The following GABRG3 variants were observed in gnomAD, a reference collection of about 807,000 sequenced individuals.
The protein encoded by GABRG3 is gamma-aminobutyric acid type A receptor subunit gamma3.
In GABRG3, 25 loss-of-function variants were observed where a neutral mutation model predicts 48.8. The observed-to-expected ratio is 0.51, with a 90% CI of 0.37 to 0.72. GABRG3 has a LOEUF of 0.72. Ranked by LOEUF, GABRG3 falls within the 30% of genes least tolerant of loss-of-function variation. The pLI is 0.00. For missense variants in GABRG3, 394 were observed against 577.9 expected, an observed-to-expected ratio of 0.68 and a Z score of 3.26; for synonymous variants, 227 against 217.6, an observed-to-expected ratio of 1.04 and a Z score of -0.38.
chr15:27,157,942 T>C (rs538385644), intron 3 of GABRG3: 31 of 152,302 alleles, frequency 2.0e-4, no homozygotes, highest in African/African-American at 7.0e-4. Context: ...TGCCTCACTT[T>C]CCTGAATGAA....
chr15:27,523,032 C>T (rs1274787816), intron 7 of GABRG3, among the ~76,000 whole-genome samples: 2 of 151,786 alleles, frequency 1.3e-5, no homozygotes, highest in African/African-American at 4.8e-5. Context: ...ATAATTACAT[C>T]ATGAAAGTGA....
intron 3 of GABRG3, among the ~76,000 whole-genome samples, chr15:27,261,492 T>C (rs1890765300): frequency 6.6e-6 from 1 of 151,326 alleles, no homozygotes; most frequent in African/African-American, 2.4e-5. Flanking sequence ...TTAATCCCCA[T>C]CACACACCCT....
At position 26,976,369 on chromosome 15, in the gene GABRG3, C is replaced by G. The variant is rs978747837; in HGVS notation, c.54-633C>G. 2.6e-5 allele frequency among the ~76,000 whole-genome samples: 4 copies of G among 152,152 alleles called. No homozygotes were observed. The highest frequency in any genetic ancestry group is 5.9e-5 in the Non-Finnish European group (4 of 68,024). ...AGGAGATGAATCAGTTTGTGTTGACCGAGGCGTGCAAGATTGCTAGAGGGT... is the reference window on the plus strand; with the variant it reads ...AGGAGATGAATCAGTTTGTGTTGACGGAGGCGTGCAAGATTGCTAGAGGGT... On this transcript the variant is annotated intron_variant, in intron 1 of 9. Coordinates refer to ENST00000615808, the MANE Select transcript of GABRG3 (RefSeq NM_033223.5). The surrounding 1 kb of genome is among the most constrained non-coding windows in gnomAD (Gnocchi z 7.8).
intron 3 of GABRG3, among the ~76,000 whole-genome samples, chr15:27,125,902 C>T (rs1897811590): frequency 6.6e-6 from 1 of 152,184 alleles, no homozygotes; most frequent in Admixed American, 6.5e-5. Context: ...AACTTTGCAG[C>T]CAAATGCCTC....
intron 5 of GABRG3, among the ~76,000 whole-genome samples, chr15:27,423,721 C>CTTTTT (rs542775399): frequency 2.4e-4 from 20 of 81,788 alleles, no homozygotes; most frequent in Non-Finnish European, 3.4e-4. Flanking sequence ...TTTTCTTTTC[C>CTTTTT]TTTTTTTTTT....
At position 27,415,603 on chromosome 15, in the gene GABRG3, T is replaced by G. The variant is rs533113441; in HGVS notation, c.575-65047T>G. 2.6e-5 allele frequency among the ~76,000 whole-genome samples: 4 copies of G among 152,248 alleles called. No individual in the cohort carries two copies. In the East Asian group the frequency reaches 5.8e-4, roughly 22 times the overall value. On this transcript the variant is annotated intron_variant, in intron 5 of 9. Coordinates refer to ENST00000615808, the MANE Select transcript of GABRG3 (RefSeq NM_033223.5). Reference sequence around the variant, plus strand: ...GCGCCACCATCTCAGAAATGCCCACTAAACAACTTGTCCATGTAACCAAAC... The same window carrying G: ...GCGCCACCATCTCAGAAATGCCCACGAAACAACTTGTCCATGTAACCAAAC...
At chr15:27,403,926 A>AAC (rs1479741920) in intron 5 of GABRG3, among the ~76,000 whole-genome samples, 100 of 126,896 alleles carry the variant, frequency 7.9e-4, no homozygotes, top group Non-Finnish European at 1.4e-3. Flanking sequence ...AAAAAAAAAA[A>AAC]AACAAAAAAA....
At chr15:27,306,613 A>G (rs1892485201) in intron 3 of GABRG3, among the ~76,000 whole-genome samples, 1 of 128,746 alleles carries the variant, frequency 7.8e-6, no homozygotes, top group Admixed American at 8.2e-5. Flanking sequence ...GTTTATATAT[A>G]AACATATATA....
chr15:27,510,074 C>T (rs1398209983), intron 6 of GABRG3, among the ~76,000 whole-genome samples: 1 of 152,186 alleles, frequency 6.6e-6, no homozygotes, highest in East Asian at 1.9e-4. Flanking sequence ...ATCTGCTTGA[C>T]TCCAGGTCCT....
intron 3 of GABRG3, among the ~76,000 whole-genome samples, chr15:27,168,103 G>A (rs1183226745): frequency 6.6e-6 from 1 of 151,530 alleles, no homozygotes; most frequent in Non-Finnish European, 1.5e-5. Context: ...GCTGTTGTGA[G>A]TGATCTCTGA....
chr15:27,110,111 CTT>C (rs1480665610), intron 3 of GABRG3, among the ~76,000 whole-genome samples: 1 of 151,922 alleles, frequency 6.6e-6, no homozygotes, highest in African/African-American at 2.4e-5. Context: ...CTTTTTCTCT[CTT>C]GTTTCCTTTG....
At chr15:27,302,111 A>G (rs2140493678) in intron 3 of GABRG3, among the ~76,000 whole-genome samples, 1 of 152,264 alleles carries the variant, frequency 6.6e-6, no homozygotes, top group Non-Finnish European at 1.5e-5. Flanking sequence ...AGGAAAAGTG[A>G]GAGAAATGGT....
chr15:27,155,752 C>A (rs1382661633), intron 3 of GABRG3, among the ~76,000 whole-genome samples: 1 of 152,068 alleles, frequency 6.6e-6, no homozygotes, highest in South Asian at 2.1e-4. Flanking sequence ...GCTGGCTGGA[C>A]GGGTACAAGT....
chr15:27,150,519 C>G (rs1462581480), intron 3 of GABRG3, among the ~76,000 whole-genome samples: 1 of 152,182 alleles, frequency 6.6e-6, no homozygotes, highest in Admixed American at 6.5e-5. Flanking sequence ...GTTCCATTGT[C>G]AAATAATTTT....
intron 3 of GABRG3, among the ~76,000 whole-genome samples, chr15:27,275,518 A>G (rs1891223562): frequency 6.6e-6 from 1 of 152,166 alleles, no homozygotes; most frequent in Non-Finnish European, 1.5e-5. Flanking sequence ...TTTAATGAGC[A>G]GTGTCCAGGA....
chr15:27,218,087 G>A (rs1187385124), intron 3 of GABRG3, among the ~76,000 whole-genome samples: 1 of 152,152 alleles, frequency 6.6e-6, no homozygotes, highest in Non-Finnish European at 1.5e-5. Context: ...ACAGCTCGCT[G>A]TAGCCTCCAC....
In GABRG3 at chr15:27,537,667, T is replaced by C. The variant is rs1891578187; in HGVS notation, c.*4786T>C. On this transcript the variant is annotated 3_prime_UTR_variant, in exon 10 of 10. Transcript: ENST00000615808. Reference sequence around the variant, plus strand: ...AAAAACTTGGCTTTCTTTTTCTTAATGTCTAATAGTTTTGAAGACTAGATA... The same window carrying C: ...AAAAACTTGGCTTTCTTTTTCTTAACGTCTAATAGTTTTGAAGACTAGATA... 1 of 152,138 alleles carries C rather than the reference T, an allele frequency of 6.6e-6. No individual in the cohort carries two copies. The allele number at this position is 152,138 out of a possible 1,614,324, so 9.4% of individuals were successfully genotyped here.
intron 3 of GABRG3, among the ~76,000 whole-genome samples, chr15:27,113,614 C>A (rs1285617353): frequency 1.3e-5 from 2 of 152,204 alleles, no homozygotes; most frequent in East Asian, 1.9e-4. Context: ...GTGGCCCTAG[C>A]TTCTTCATTG....
chr15:27,163,503 C>T (rs1725488033), intron 3 of GABRG3, among the ~76,000 whole-genome samples: 2 of 151,944 alleles, frequency 1.3e-5, no homozygotes, highest in Non-Finnish European at 2.9e-5. Flanking sequence ...TTTAGAAAAA[C>T]AGCTGCAATC....
Sources: allele counts gnomAD v4.1 joint callset (sites outside exome capture counted in the v4.1 genomes callset), GRCh38; gene constraint gnomAD v4.1.1; non-coding constraint Gnocchi (gnomAD v3.1); transcripts MANE v1.5; gene names NCBI Gene and HGNC (gene_info 2026-07-23, HGNC 2026-07-21).